UBR2: variants seen among roughly 807,000 people sequenced by gnomAD.
The protein encoded by UBR2 is E3 ubiquitin-protein ligase UBR2.
In UBR2, 92 loss-of-function variants were observed where a neutral mutation model predicts 247.9. That is an observed-to-expected ratio of 0.37 (90% CI 0.31 to 0.44). The LOEUF is 0.44. Ranked by LOEUF, UBR2 falls within the 20% of genes least tolerant of loss-of-function variation. The pLI is 1.00. For missense variants in UBR2, 1,613 were observed against 2,112.6 expected (o/e 0.76, Z 4.64); for synonymous variants, 672 against 693.5 (o/e 0.97, Z 0.49).
chr6:42,624,478 C>T (rs1562324687), intron 11 of UBR2, among the ~76,000 whole-genome samples: 1 of 152,060 alleles, frequency 6.6e-6, no homozygotes, highest in Non-Finnish European at 1.5e-5. Context: ...CCAACAGATT[C>T]TTTCTGCCCA....
At chr6:42,622,610 G>A (rs1301806991) in intron 11 of UBR2, among the ~76,000 whole-genome samples, 2 of 151,472 alleles carry the variant, frequency 1.3e-5, no homozygotes, top group Non-Finnish European at 2.9e-5. Flanking sequence ...CACCATGTTA[G>A]CCAGACTGGT....
intron 32 of UBR2, among the ~76,000 whole-genome samples, chr6:42,664,948 C>T (rs1798024827): frequency 6.6e-6 from 1 of 152,190 alleles, no homozygotes; most frequent in Non-Finnish European, 1.5e-5. Flanking sequence ...GTTTCCTCAT[C>T]TGTAAAATGG....
chr6:42,581,743 A>C (rs552170860), intron 2 of UBR2, among the ~76,000 whole-genome samples: 1 of 152,254 alleles, frequency 6.6e-6, no homozygotes, highest in South Asian at 2.1e-4. Context: ...GTTCCATTTT[A>C]TTGCTGAGTG....
intron 21 of UBR2, among the ~76,000 whole-genome samples, chr6:42,645,934 T>A (rs1161941920): frequency 2.0e-5 from 3 of 152,170 alleles, no homozygotes; most frequent in Admixed American, 2.0e-4. Flanking sequence ...CTTTGTAACC[T>A]AGTATATTGA....
At chr6:42,581,437 C>A (rs1791894124) in intron 2 of UBR2, among the ~76,000 whole-genome samples, 2 of 152,028 alleles carry the variant, frequency 1.3e-5, no homozygotes, top group Admixed American at 1.3e-4. Context: ...ATGATCTGGC[C>A]CCCTCGGCCT....
intron 36 of UBR2, among the ~76,000 whole-genome samples, chr6:42,671,185 CAAAAAAA>C (rs67809948): frequency 2.0e-5 from 2 of 100,916 alleles, no homozygotes; most frequent in Non-Finnish European, 4.0e-5. Flanking sequence ...AACTCCATCT[CAAAAAAA>C]AAAAAAAAAA....
chr6:42,644,441 C>G (rs1447404263), intron 19 of UBR2, 32 bp from the exon 20 acceptor site: 14 of 1,605,952 alleles, frequency 8.7e-6, no homozygotes, highest in Admixed American at 1.7e-5. Flanking sequence ...ATATTCTTAT[C>G]TCTGAACTTT....
At chr6:42,622,781 G>A (rs561406525) in intron 11 of UBR2, among the ~76,000 whole-genome samples, 1 of 150,438 alleles carries the variant, frequency 6.6e-6, no homozygotes, top group East Asian at 1.9e-4. Flanking sequence ...ATTCATTTGT[G>A]TATATCAGCC....
At chr6:42,670,011 G>A (rs961049701) in intron 34 of UBR2, 81 bp from the exon 35 acceptor site, 7 of 1,502,672 alleles carry the variant, frequency 4.7e-6, no homozygotes, top group Non-Finnish European at 6.4e-6. Context: ...TTTCAATATA[G>A]CAAAGAGCTG....
At chr6:42,647,713 G>A (rs12209281) in intron 21 of UBR2, among the ~76,000 whole-genome samples, 33,680 of 152,064 alleles carry the variant, frequency 0.22, 3,773 homozygotes, top group Middle Eastern at 0.26. Context: ...GGGAAGTGCT[G>A]TTGTACTGAA....
chr6:42,630,069 G>A (rs1417099755), intron 11 of UBR2, among the ~76,000 whole-genome samples: 1 of 151,816 alleles, frequency 6.6e-6, no homozygotes, highest in African/African-American at 2.4e-5. Flanking sequence ...GCTACTTCCT[G>A]TTTTAATGGG....
chr6:42,641,467 A>T, intron 16 of UBR2, 115 bp from the exon 17 acceptor site: 1 of 641,280 alleles, frequency 1.6e-6, no homozygotes, highest in Non-Finnish European at 2.5e-6. Context: ...TAATAATAAT[A>T]ATTTATATTG....
chr6:42,618,510 G>A (rs1490728398), intron 11 of UBR2, among the ~76,000 whole-genome samples: 1 of 152,156 alleles, frequency 6.6e-6, no homozygotes, highest in Admixed American at 6.5e-5. Flanking sequence ...AGTGGAAGCT[G>A]ACTGGAGTCT....
intron 34 of UBR2, among the ~76,000 whole-genome samples, chr6:42,666,454 C>T (rs1051325656): frequency 4.6e-5 from 7 of 152,156 alleles, no homozygotes; most frequent in Non-Finnish European, 7.4e-5. Flanking sequence ...TGCACCACTA[C>T]ATTCCAGTCT....
chr6:42,647,941 G>T (rs1179550732), intron 21 of UBR2, among the ~76,000 whole-genome samples, 177 bp from the exon 22 acceptor site: 2 of 152,100 alleles, frequency 1.3e-5, no homozygotes, highest in Non-Finnish European at 2.9e-5. Flanking sequence ...AGCTTGCCGA[G>T]TAAGTATGTC....
chr6:42,568,393 C>A (rs1790907386), intron 1 of UBR2, among the ~76,000 whole-genome samples: 1 of 152,104 alleles, frequency 6.6e-6, no homozygotes, highest in African/African-American at 2.4e-5. Context: ...AACATATTGT[C>A]ATTTGTGGCT....
chr6:42,652,319 T>C (rs1244216119), intron 24 of UBR2, among the ~76,000 whole-genome samples, 172 bp from the exon 25 acceptor site: 1 of 152,238 alleles, frequency 6.6e-6, no homozygotes, highest in Non-Finnish European at 1.5e-5. Context: ...TCTTCTGTAC[T>C]GCTGCTACTT....
intron 40 of UBR2, among the ~76,000 whole-genome samples, chr6:42,678,209 A>G (rs1457357243): frequency 7.3e-5 from 11 of 151,182 alleles, no homozygotes; most frequent in Admixed American, 4.6e-4. Flanking sequence ...GGTGGCAGGC[A>G]CCTGTAGTCC....
chr6:42,604,291 T>C (rs765914558), intron 5 of UBR2, among the ~76,000 whole-genome samples: 5 of 152,152 alleles, frequency 3.3e-5, no homozygotes, highest in Non-Finnish European at 7.3e-5. Flanking sequence ...GTTAGTGTGC[T>C]TGTCTCAAAC....
Sources: gnomAD v4.1 joint callset for allele counts (sites outside exome capture counted in the v4.1 genomes callset) on GRCh38, gnomAD v4.1.1 for gene constraint, MANE v1.5 for transcripts, NCBI Gene and HGNC (gene_info 2026-07-23, HGNC 2026-07-21) for gene names.